FSIP1: variants seen among roughly 807,000 people sequenced by gnomAD.
FSIP1 encodes fibrous sheath-interacting protein 1.
Under a neutral mutation model 60.9 loss-of-function variants are expected in FSIP1, and 65 were observed. The ratio of observed to expected loss-of-function variants is 1.07; its 90% confidence interval spans 0.87 to 1.31. The LOEUF (loss-of-function observed/expected upper bound fraction) is 1.31, where lower values mean the gene tolerates loss of function less well. Ranked by LOEUF, FSIP1 falls within the 40% of genes most tolerant of loss-of-function variation. The pLI is 0.00. For missense variants in FSIP1, 675 were observed against 665.5 expected, an observed-to-expected ratio of 1.01 and a Z score of -0.16; for synonymous variants, 209 against 221.2, an observed-to-expected ratio of 0.94 and a Z score of 0.49.
intron 5 of FSIP1, among the ~76,000 whole-genome samples, chr15:39,757,912 A>C (rs1214329348): frequency 6.6e-6 from 1 of 152,140 alleles, no homozygotes; most frequent in Non-Finnish European, 1.5e-5. Context: ...TGCTTTGCAC[A>C]CACTGCCAAT....
chr15:39,651,132 G>T (rs1252921353), intron 10 of FSIP1, among the ~76,000 whole-genome samples: 1 of 152,186 alleles, frequency 6.6e-6, no homozygotes, highest in Non-Finnish European at 1.5e-5. Flanking sequence ...CAGCTGTCAT[G>T]TGTCTCCATA....
intron 10 of FSIP1, among the ~76,000 whole-genome samples, chr15:39,622,934 T>C (rs542129054): frequency 3.9e-5 from 6 of 152,192 alleles, no homozygotes; most frequent in Non-Finnish European, 4.4e-5. Context: ...TTGCCCAGAT[T>C]GGCTTTTGTG....
chr15:39,610,456 C>A (rs185533119), intron 11 of FSIP1, among the ~76,000 whole-genome samples: 469 of 152,196 alleles, frequency 3.1e-3, no homozygotes, highest in Non-Finnish European at 6.0e-3. Flanking sequence ...TCGAGGCGGG[C>A]AGATCACGAT....
chr15:39,753,582 T>C (rs568979421), intron 5 of FSIP1, among the ~76,000 whole-genome samples: 1 of 152,086 alleles, frequency 6.6e-6, no homozygotes, highest in African/African-American at 2.4e-5. Flanking sequence ...GGTATTTAAA[T>C]CCATTAATTT....
chr15:39,675,007 T>C (rs1893881082), intron 10 of FSIP1, among the ~76,000 whole-genome samples: 1 of 149,734 alleles, frequency 6.7e-6, no homozygotes, highest in African/African-American at 2.5e-5. Flanking sequence ...CTCAGACAAT[T>C]CAAAAAAAAC....
intron 10 of FSIP1, among the ~76,000 whole-genome samples, chr15:39,666,107 C>T (rs908630400): frequency 6.6e-6 from 1 of 152,182 alleles, no homozygotes; most frequent in African/African-American, 2.4e-5. Context: ...AAGCAAGAAA[C>T]TCTGCGTTAA....
chr15:39,744,674 T>C (rs1896925868), intron 5 of FSIP1, among the ~76,000 whole-genome samples: 2 of 149,772 alleles, frequency 1.3e-5, no homozygotes, highest in Non-Finnish European at 3.0e-5. Context: ...CCATGACAGC[T>C]GCAGACAAGC....
chr15:39,746,167 C>T (rs1404503797), intron 5 of FSIP1, among the ~76,000 whole-genome samples: 1 of 151,990 alleles, frequency 6.6e-6, no homozygotes, highest in African/African-American at 2.4e-5. Flanking sequence ...TCTCTATTTC[C>T]AGAATCTGGA....
intron 2 of FSIP1, among the ~76,000 whole-genome samples, chr15:39,773,394 T>C (rs1293286805): frequency 6.6e-6 from 1 of 152,226 alleles, no homozygotes; most frequent in Non-Finnish European, 1.5e-5. Context: ...TCAATATAAG[T>C]GCCAAAGTCC....
Position 39,763,844 on chromosome 15 carries a change from G to T in FSIP1, c.536C>A (p.Thr179Asn). The T allele has an allele frequency of 6.3e-7, 1 of 1,588,346 alleles. No homozygotes were observed. The highest frequency in any genetic ancestry group is 8.6e-7 in the Non-Finnish European group (1 of 1,157,200). Reference sequence around the variant, plus strand: ...ACCAACAGTTTCTTCAGAAACAGCAGTCAAAGATAAAAATTTTTTTGTATT... The same window carrying T: ...ACCAACAGTTTCTTCAGAAACAGCATTCAAAGATAAAAATTTTTTTGTATT... ...MENTKKFLSL[T>N]AVSEETVGPS... is the part of the protein sequence containing the mutation. The change falls in exon 5 of 12, where the codon ACT (threonine) becomes AAT (asparagine). Residue 179 changes from threonine to asparagine, a missense_variant. Coordinates refer to ENST00000350221, the MANE Select transcript of FSIP1 (RefSeq NM_152597.5).
At chr15:39,780,576 TAC>T (rs1281388690) in intron 1 of FSIP1, among the ~76,000 whole-genome samples, 12 of 152,220 alleles carry the variant, frequency 7.9e-5, no homozygotes, top group Non-Finnish European at 1.5e-4. Context: ...TTTATAGATA[TAC>T]GTCATGCTTT....
intron 8 of FSIP1, among the ~76,000 whole-genome samples, chr15:39,736,877 C>CA (rs1306792774): frequency 6.6e-6 from 1 of 152,112 alleles, no homozygotes. Context: ...CACACTGCAC[C>CA]AGAGAGCTAA....
intron 5 of FSIP1, among the ~76,000 whole-genome samples, chr15:39,754,101 T>C (rs1337248544): frequency 3.3e-5 from 5 of 152,116 alleles, no homozygotes; most frequent in Non-Finnish European, 5.9e-5. Flanking sequence ...ACTTACTAAG[T>C]GCTCTAGAAG....
chr15:39,691,564 C>T (rs1306437586), intron 10 of FSIP1, among the ~76,000 whole-genome samples: 1 of 152,184 alleles, frequency 6.6e-6, no homozygotes, highest in Non-Finnish European at 1.5e-5. Context: ...AGTTAGGTTC[C>T]GGGATGAGTC....
chr15:39,739,100 A>G (rs904304661), intron 7 of FSIP1, among the ~76,000 whole-genome samples: 6 of 152,204 alleles, frequency 3.9e-5, no homozygotes, highest in Non-Finnish European at 2.9e-5. Context: ...TTTAGTTTGA[A>G]TCTGCCTTAA....
chr15:39,696,008 C>T (rs1894798881), intron 10 of FSIP1, among the ~76,000 whole-genome samples: 1 of 152,194 alleles, frequency 6.6e-6, no homozygotes, highest in South Asian at 2.1e-4. Context: ...ATTGACATTA[C>T]TTACTCAAAA....
intron 8 of FSIP1, among the ~76,000 whole-genome samples, chr15:39,735,814 TTC>T (rs935891610): frequency 2.6e-5 from 4 of 152,174 alleles, no homozygotes; most frequent in Non-Finnish European, 5.9e-5. Context: ...TTTTAAAATT[TTC>T]TTTTTTTATT....
chr15:39,628,933 G>A (rs1361106037), intron 10 of FSIP1, among the ~76,000 whole-genome samples: 2 of 152,218 alleles, frequency 1.3e-5, no homozygotes, highest in Non-Finnish European at 2.9e-5. Context: ...GAAGCTGCGA[G>A]GACCATGCCT....
chr15:39,637,101 G>A (rs2140413082), intron 10 of FSIP1, among the ~76,000 whole-genome samples: 1 of 152,212 alleles, frequency 6.6e-6, no homozygotes, highest in Middle Eastern at 3.4e-3. Flanking sequence ...AAATGTTATG[G>A]GGTGTCAGTC....
Sources: allele counts gnomAD v4.1 joint callset (sites outside exome capture counted in the v4.1 genomes callset), GRCh38; gene constraint gnomAD v4.1.1; transcripts MANE v1.5; gene names NCBI Gene and HGNC (gene_info 2026-07-23, HGNC 2026-07-21).